SLC46A1: variants seen among roughly 807,000 people sequenced by gnomAD.
The protein encoded by SLC46A1 is solute carrier family 46 member 1.
A neutral mutation model predicts 32.1 loss-of-function variants in SLC46A1; 17 were observed. That is an observed-to-expected ratio of 0.53 (90% CI 0.36 to 0.79). The LOEUF (loss-of-function observed/expected upper bound fraction) is 0.79. SLC46A1 is among the 30% of genes least tolerant of loss of function. The pLI is 0.00. For missense variants in SLC46A1, 517 were observed against 588.2 expected, an observed-to-expected ratio of 0.88 and a Z score of 1.25; for synonymous variants, 240 against 262.7, an observed-to-expected ratio of 0.91 and a Z score of 0.84.
At position 28,405,021 on chromosome 17, in the gene SLC46A1, C is replaced by T; in HGVS notation, c.676G>A (p.Ala226Thr). The T allele has an allele frequency of 3.1e-6, 5 of 1,614,004 alleles. No individual in the cohort carries two copies. The highest frequency in any genetic ancestry group is 4.2e-6 in the Non-Finnish European group (5 of 1,179,890). The change falls in exon 2 of 5, where the codon GCA becomes ACA. Residue 226 changes from alanine to threonine, a missense_variant. Transcript: ENST00000612814. ...AAGGTCTCACCAAAGCAGAAAGCTGCATAGAGAGTCATGGCTATCAGCAAG... is the reference window on the plus strand; with the variant it reads ...AAGGTCTCACCAAAGCAGAAAGCTGTATAGAGAGTCATGGCTATCAGCAAG... ...LALLIAMTLY[A>T]AFCFGETLKE...
chr17:28,404,952 G>C lies in SLC46A1; in HGVS notation c.745C>G (p.Arg249Gly). 1 of 1,614,058 alleles carries C rather than the reference G, an allele frequency of 6.2e-7. No homozygotes were observed. Among genetic ancestry groups the C allele is most frequent in the Non-Finnish European group, 8.5e-7 (1 of 1,179,898 alleles). ...STRLFTFRHH[R>G]SIVQLYVAPA... ...GCCACATAGAGCTGGACAATGGATC[G>C]GTGGTGACGGAACGTGAAGAGCCGG... is the stretch of plus-strand genomic sequence containing the variant. The change falls in exon 2 of 5, where the codon CGA becomes GGA. Residue 249 changes from arginine (R) to glycine (G), a missense_variant. Coordinates refer to ENST00000612814, the MANE Select transcript of SLC46A1 (RefSeq NM_080669.6).
Position 28,404,538 on chromosome 17 carries a change from T to TG in SLC46A1, c.1081+77dup, listed in dbSNP as rs782353215. The TG allele has an allele frequency of 1.1e-5, 17 of 1,554,952 alleles. No homozygotes were observed. The East Asian group carries it at 3.7e-4, about 34-fold the overall frequency. On this transcript the variant is annotated intron_variant, in intron 2 of 4. Coordinates refer to ENST00000612814, the MANE Select transcript of SLC46A1 (RefSeq NM_080669.6). ...CAAAGACACAGGAATGAACCACATC[T>TG]GGGGGCAGTGAGTGGCCGGCCCCCA...
intron 3 of SLC46A1, 155 bp from the exon 4 acceptor site, chr17:28,400,921 G>A (rs2068189561): frequency 2.8e-6 from 2 of 718,292 alleles, no homozygotes; most frequent in Non-Finnish European, 2.4e-6. Context: ...CTGTGACAAG[G>A]ATTCAGTAAG....
Position 28,404,922 on chromosome 17 carries a change from C to T in SLC46A1, c.775G>A (p.Ala259Thr), listed in dbSNP as rs370955621. The T allele has an allele frequency of 1.7e-5, 28 of 1,613,856 alleles. No individual in the cohort carries two copies. Among genetic ancestry groups the T allele is most frequent in the Non-Finnish European group, 2.3e-5 (27 of 1,179,894 alleles). Residue 259 changes from alanine (A) to threonine (T), a missense_variant, in exon 2 of 5, where the codon GCC becomes ACC. Ala to Thr is a moderately conservative substitution (Grantham distance 58). Transcript: ENST00000612814. ...AAATGTTTCCTGGACTTCTCTGGGG[C>T]GGGAGCCACATAGAGCTGGACAATG... ...RSIVQLYVAPAPEKSRKHLAL... is the reference protein window; with the variant it reads ...RSIVQLYVAPTPEKSRKHLAL...
At chr17:28,405,682 T>C in intron 1 of SLC46A1, 1 of 951,992 alleles carries the variant, frequency 1.1e-6, no homozygotes, top group Non-Finnish European at 1.5e-6. Flanking sequence ...TTTGTTAACC[T>C]GCAAGGCCAG....
At chr17:28,404,451 A>C in intron 2 of SLC46A1, 165 bp downstream of exon 2, 1 of 867,090 alleles carries the variant, frequency 1.2e-6, no homozygotes, top group South Asian at 1.6e-5. Context: ...CAAAGATGGC[A>C]TTTTTGAGGG....
Position 28,396,513 on chromosome 17 carries a change from C to A in SLC46A1, c.*3143G>T. ...TTGGGCACGGGAGGTTAGAACTCCC[C>A]CAGGCCCTGCCATTGGGTTGTCTGT... On this transcript the variant is annotated 3_prime_UTR_variant, in exon 5 of 5. Coordinates refer to ENST00000612814, the MANE Select transcript of SLC46A1 (RefSeq NM_080669.6). 1.7e-6 allele frequency: 1 copy of A among 573,422 alleles called. No individual in the cohort carries two copies. The highest frequency in any genetic ancestry group is 3.1e-6 in the Non-Finnish European group (1 of 322,776). The allele number at this position is 573,422 out of a possible 1,614,324, so 35.5% of individuals were successfully genotyped here.
In SLC46A1 at chr17:28,395,838, C is replaced by T. The variant is rs1597825938; in HGVS notation, c.*3818G>A. On this transcript the variant is annotated 3_prime_UTR_variant, in exon 5 of 5. Coordinates refer to ENST00000612814, the MANE Select transcript of SLC46A1 (RefSeq NM_080669.6). ...CCTCGGGCCAGTGGGCCTCCCAGCACCTGCCTGGCTACAAGGGTCCCTAGA... is the reference window on the plus strand; with the variant it reads ...CCTCGGGCCAGTGGGCCTCCCAGCATCTGCCTGGCTACAAGGGTCCCTAGA... 6.3e-7 allele frequency: 1 copy of T among 1,595,830 alleles called. No individual in the cohort carries two copies. The highest frequency in any genetic ancestry group is 8.5e-7 in the Non-Finnish European group (1 of 1,171,290).
In SLC46A1 at chr17:28,399,344, CCT is replaced by C. The variant is rs1321625330; in HGVS notation, c.*310_*311del. 3 of 338,600 alleles carry C rather than the reference CCT, an allele frequency of 8.9e-6. No homozygotes were observed. Among genetic ancestry groups the C allele is most frequent in the Admixed American group, 4.1e-5 (1 of 24,670 alleles). 21.0% of individuals were successfully genotyped at this position (338,600 alleles called of 1,614,324 possible). On this transcript the variant is annotated 3_prime_UTR_variant, in exon 5 of 5. Transcript: ENST00000612814. ...CCCTGAAGTGTCACCTCTCTCAGGA[CCT>C]CTCCTCTGGCCTGTGGGGTTATAAG... is the stretch of plus-strand genomic sequence containing the variant.
In SLC46A1 at chr17:28,400,605, A is replaced by G. The variant is rs370083652; in HGVS notation, c.1322+5T>C. The G allele has an allele frequency of 2.7e-5, 43 of 1,613,526 alleles. No individual in the cohort carries two copies. Among genetic ancestry groups the G allele is most frequent in the Non-Finnish European group, 3.5e-5 (41 of 1,179,736 alleles). ...TATGAGCATGGGTTCAGGGCCCTGC[A>G]TTACCCAATCAGAACAGCCGGGATG... On this transcript the variant is annotated splice_donor_5th_base_variant and intron_variant, in intron 4 of 4. Coordinates refer to ENST00000612814, the MANE Select transcript of SLC46A1 (RefSeq NM_080669.6).
chr17:28,400,012 G>T, intron 4 of SLC46A1: 1 of 396,296 alleles, frequency 2.5e-6, no homozygotes, highest in Non-Finnish European at 4.7e-6. Context: ...TCCTGCCTCA[G>T]CCTCCTTAGT....
Position 28,399,674 on chromosome 17 carries a change from C to A in SLC46A1, c.1362G>T (p.Gln454His). The A allele has an allele frequency of 6.2e-7, 1 of 1,614,004 alleles. No individual in the cohort carries two copies. Among genetic ancestry groups the A allele is most frequent in the Non-Finnish European group, 8.5e-7 (1 of 1,179,888 alleles). ...EKADPHLEFQQFPQSP is the reference protein window; with the variant it reads ...EKADPHLEFQHFPQSP ...AGGCAGATCAGGGGCTCTGGGGAAA[C>A]TGCTGGAACTCGAGGTGAGGATCAG... is the stretch of plus-strand genomic sequence containing the variant. The change falls in exon 5 of 5, where the codon CAG becomes CAT. Residue 454 changes from glutamine to histidine, a missense_variant. Coordinates refer to ENST00000612814, the MANE Select transcript of SLC46A1 (RefSeq NM_080669.6).
rs1262103630 is a variant in SLC46A1 at position 28,405,950 on chromosome 17, G to A, written c.165C>T (p.Leu55=). The change falls in exon 1 of 5, where the codon CTC becomes CTT. Residue 55 remains leucine, a synonymous_variant. Transcript: ENST00000612814. ...QYLWHRFSAD[L]GYNGTRQRGG... is the part of the protein sequence containing the mutation. ...CCCTTTGGCGGGTGCCATTGTAGCC[G>A]AGGTCGGCGCTGAAGCGGTGCCACA... 4 of 1,611,212 alleles carry A rather than the reference G, an allele frequency of 2.5e-6. No homozygotes were observed. Among genetic ancestry groups the A allele is most frequent in the Non-Finnish European group, 3.4e-6 (4 of 1,179,206 alleles).
Position 28,397,294 on chromosome 17 carries a change from T to C in SLC46A1, c.*2362A>G, listed in dbSNP as rs1246851773. On this transcript the variant is annotated 3_prime_UTR_variant, in exon 5 of 5. Coordinates refer to ENST00000612814, the MANE Select transcript of SLC46A1 (RefSeq NM_080669.6). ...CATCCAAGTCACCTGGGAATGTTGT[T>C]AAAATCAGGAGATCTGGGGTGGGGC... 1 of 152,350 alleles carries C rather than the reference T, an allele frequency of 6.6e-6. No individual in the cohort carries two copies. The highest frequency in any genetic ancestry group is 1.5e-5 in the Non-Finnish European group (1 of 68,060). 9.4% of individuals were successfully genotyped at this position (152,350 alleles called of 1,614,324 possible).
intron 1 of SLC46A1, 28 bp downstream of exon 1, chr17:28,405,859 C>A (rs782332103): frequency 1.3e-6 from 2 of 1,541,376 alleles, no homozygotes; most frequent in African/African-American, 2.7e-5. Flanking sequence ...GGGCCCTCCA[C>A]CTGCCAGGCT....
At chr17:28,405,738 A>G (rs1253167622) in intron 1 of SLC46A1, 149 bp downstream of exon 1, 1 of 1,023,976 alleles carries the variant, frequency 9.8e-7, no homozygotes, top group African/African-American at 1.6e-5. Context: ...GTTCTCGGTC[A>G]GGCCCCTTTG....
chr17:28,402,140 G>A, intron 3 of SLC46A1, 98 bp downstream of exon 3: 1 of 1,043,284 alleles, frequency 9.6e-7, no homozygotes, highest in Non-Finnish European at 1.4e-6. Context: ...GGTGAGAGGG[G>A]GGAAGGCAAG....
At chr17:28,404,264 C>T (rs2068228305) in intron 2 of SLC46A1, 1 of 312,264 alleles carries the variant, frequency 3.2e-6, no homozygotes, top group African/African-American at 2.2e-5. Flanking sequence ...GAGTACCAGG[C>T]ATTAATGGCA....
intron 4 of SLC46A1, 55 bp downstream of exon 4, chr17:28,400,555 A>C: frequency 6.3e-7 from 1 of 1,599,002 alleles, no homozygotes; most frequent in South Asian, 1.1e-5. Context: ...GGAGAAGAGG[A>C]AACTTTTAAG....
Sources: allele counts gnomAD v4.1 joint callset, GRCh38; gene constraint gnomAD v4.1.1; transcripts MANE v1.5; gene names NCBI Gene and HGNC (gene_info 2026-07-23, HGNC 2026-07-21).